PCDHA6: variants seen among roughly 807,000 people sequenced by gnomAD.
The protein encoded by PCDHA6 is protocadherin alpha 6.
In PCDHA6, 55 loss-of-function variants were observed where a neutral mutation model predicts 60.3. That is an observed-to-expected ratio of 0.91 (90% CI 0.73 to 1.14). The LOEUF (loss-of-function observed/expected upper bound fraction) is 1.14. Among genes scored for constraint, PCDHA6 ranks in the 50% most tolerant of loss-of-function variants. PCDHA6 has a pLI of 0.00. For synonymous variants in PCDHA6, 652 were observed against 557.9 expected (o/e 1.17, Z -2.38); for missense variants, 1,327 against 1,256.5 (o/e 1.06, Z -0.85).
At position 140,927,110 on chromosome 5, in the gene PCDHA6, G is replaced by T; in HGVS notation, c.2395-51839G>T. The T allele has an allele frequency of 3.7e-6, 6 of 1,613,752 alleles. No individual in the cohort carries two copies. The Middle Eastern group carries it at 8.3e-4, about 222-fold the overall frequency. On this transcript the variant is annotated intron_variant, in intron 1 of 3. Transcript: ENST00000529310. ...TACTTCGGGGTGGATCTACCCAGCG[G>T]CAATTTGGTGGTCAGAGAGCCGGCG...
At chr5:140,895,868 A>G (rs555320203) in intron 1 of PCDHA6, among the ~76,000 whole-genome samples, 5 of 152,228 alleles carry the variant, frequency 3.3e-5, no homozygotes, top group Admixed American at 6.5e-5. Flanking sequence ...CTGGAGTGCA[A>G]TGGCGCGATC....
In PCDHA6 at chr5:141,010,806, C is replaced by T. The variant is rs1404036886; in HGVS notation, c.*869C>T. ...GCAAAAGCAAAAGAAAACCCCGACA[C>T]CTCACCTTTCGCTGTTTGTTGTTTC... On this transcript the variant is annotated 3_prime_UTR_variant, in exon 4 of 4. Transcript: ENST00000529310. 2 of 153,736 alleles carry T rather than the reference C, an allele frequency of 1.3e-5. No individual in the cohort carries two copies. Among genetic ancestry groups the T allele is most frequent in the Non-Finnish European group, 1.5e-5 (1 of 68,048 alleles). 9.5% of individuals were successfully genotyped at this position (153,736 alleles called of 1,614,324 possible).
In PCDHA6 at chr5:140,968,743, C is replaced by G. The variant is rs112674082; in HGVS notation, c.2395-10206C>G. Reference sequence around the variant, plus strand: ...AGAGTGGTAGCACTTTCAACCTGACCGTGGTGGTCCGAGATAATGGAGAGC... The same window carrying G: ...AGAGTGGTAGCACTTTCAACCTGACGGTGGTGGTCCGAGATAATGGAGAGC... On this transcript the variant is annotated intron_variant, in intron 1 of 3. Transcript: ENST00000529310. 10 of 1,614,060 alleles carry G rather than the reference C, an allele frequency of 6.2e-6. No homozygotes were observed. The South Asian group carries it at 9.9e-5, about 16-fold the overall frequency.
chr5:140,855,292 C>A lies in PCDHA6; in HGVS notation c.2394+24807C>A, dbSNP rs950015519. Reference sequence around the variant, plus strand: ...ACTCAACCACCGTATTACTATTAGGCCAAAGTTATAAAATTGGAACATGAG... The same window carrying A: ...ACTCAACCACCGTATTACTATTAGGACAAAGTTATAAAATTGGAACATGAG... On this transcript the variant is annotated intron_variant, in intron 1 of 3. Transcript: ENST00000529310. Among the ~76,000 whole-genome samples, 36 of 149,604 alleles carry A rather than the reference C, an allele frequency of 2.4e-4. 2 individuals carry two copies. Among genetic ancestry groups the A allele is most frequent in the African/African-American group, 8.6e-4 (35 of 40,780 alleles).
chr5:140,870,096 T>C, intron 1 of PCDHA6: 1 of 1,613,854 alleles, frequency 6.2e-7, no homozygotes, highest in Non-Finnish European at 8.5e-7. Context: ...CAATGGCAGG[T>C]CACTGTACAG....
intron 1 of PCDHA6, chr5:140,870,383 G>C: frequency 6.2e-7 from 1 of 1,614,242 alleles, no homozygotes; most frequent in South Asian, 1.1e-5. Flanking sequence ...GTGACTGCGC[G>C]GGATGGGGGT....
At position 140,974,721 on chromosome 5, in the gene PCDHA6, G is replaced by A. The variant is rs1033117636; in HGVS notation, c.2395-4228G>A. 3.9e-5 allele frequency among the ~76,000 whole-genome samples: 6 copies of A among 152,050 alleles called. No homozygotes were observed. In the East Asian group the frequency reaches 1.2e-3, roughly 29 times the overall value. On this transcript the variant is annotated intron_variant, in intron 1 of 3. Transcript: ENST00000529310. ...TCACCATGTTGTTCAAGCTGCTCTCGAACTCCTGTCTCCACCTTGGCCTCC... is the reference window on the plus strand; with the variant it reads ...TCACCATGTTGTTCAAGCTGCTCTCAAACTCCTGTCTCCACCTTGGCCTCC...
In PCDHA6 at chr5:141,010,024, T is replaced by A; in HGVS notation, c.*87T>A. 7.6e-6 allele frequency: 12 copies of A among 1,572,358 alleles called. No individual in the cohort carries two copies. Among genetic ancestry groups the A allele is most frequent in the Non-Finnish European group, 1.0e-5 (12 of 1,163,296 alleles). On this transcript the variant is annotated 3_prime_UTR_variant, in exon 4 of 4. Coordinates refer to ENST00000529310, the MANE Select transcript of PCDHA6 (RefSeq NM_018909.4). ...GTAGCAATTCCCTGCTCCTTTTTCC[T>A]ATCTACATGAGCCCTCTTAGAGACC...
chr5:140,958,242 T>A (rs1375619471), intron 1 of PCDHA6, among the ~76,000 whole-genome samples: 1 of 152,120 alleles, frequency 6.6e-6, no homozygotes, highest in Non-Finnish European at 1.5e-5. Context: ...TTTTTAACAA[T>A]TCTGAACAAA....
chr5:140,998,855 C>T (rs544471391), intron 3 of PCDHA6, among the ~76,000 whole-genome samples: 63 of 152,320 alleles, frequency 4.1e-4, no homozygotes, highest in Admixed American at 2.1e-3. Context: ...GAGCCACATG[C>T]CTGGCCTTGT....
chr5:140,914,619 T>G (rs1554196515), intron 1 of PCDHA6, among the ~76,000 whole-genome samples: 1 of 152,194 alleles, frequency 6.6e-6, no homozygotes, highest in African/African-American at 2.4e-5. Context: ...TTTTGTAATT[T>G]GTTTTCTCGT....
At chr5:140,997,978 C>A (rs1205743045) in intron 3 of PCDHA6, among the ~76,000 whole-genome samples, 2 of 152,182 alleles carry the variant, frequency 1.3e-5, no homozygotes, top group Admixed American at 1.3e-4. Context: ...TTGGACTGCA[C>A]TTGTTACATA....
At chr5:140,918,846 C>T (rs1261805257) in intron 1 of PCDHA6, among the ~76,000 whole-genome samples, 1 of 152,140 alleles carries the variant, frequency 6.6e-6, no homozygotes, top group African/African-American at 2.4e-5. Flanking sequence ...ACTAAATCTG[C>T]TGGTGCCTGA....
In PCDHA6 at chr5:141,011,714, C is replaced by G. The variant is rs2098421596; in HGVS notation, c.*1777C>G. On this transcript the variant is annotated 3_prime_UTR_variant, in exon 4 of 4. Transcript: ENST00000529310. ...TTTTGGAATGAATACTGACAATATT[C>G]CATGAGGGTGTGCAAGCACAAATTT... 1 of 153,650 alleles carries G rather than the reference C, an allele frequency of 6.5e-6. No individual in the cohort carries two copies. Among genetic ancestry groups the G allele is most frequent in the South Asian group, 2.1e-4 (1 of 4,822 alleles). 9.5% of individuals were successfully genotyped at this position (153,650 alleles called of 1,614,324 possible).
At chr5:140,901,599 A>G (rs1196199794) in intron 1 of PCDHA6, among the ~76,000 whole-genome samples, 2 of 152,132 alleles carry the variant, frequency 1.3e-5, no homozygotes, top group South Asian at 2.1e-4. Flanking sequence ...TTTGGTTACT[A>G]TATCTCTATG....
chr5:140,928,555 A>G, intron 1 of PCDHA6: 1 of 1,614,240 alleles, frequency 6.2e-7, no homozygotes, highest in Non-Finnish European at 8.5e-7. Flanking sequence ...TTATCCGGTT[A>G]TCTTGTTTCC....
intron 1 of PCDHA6, among the ~76,000 whole-genome samples, chr5:140,891,471 C>T (rs1239816606): frequency 6.6e-6 from 1 of 151,474 alleles, no homozygotes; most frequent in Non-Finnish European, 1.5e-5. Flanking sequence ...GAATTAATGC[C>T]TTTACATCAC....
rs547873702 is a variant in PCDHA6 at position 140,879,516 on chromosome 5, T to C, written c.2394+49031T>C. 3.3e-5 allele frequency among the ~76,000 whole-genome samples: 5 copies of C among 152,322 alleles called. No homozygotes were observed. The East Asian group carries it at 7.7e-4, about 23-fold the overall frequency. On this transcript the variant is annotated intron_variant, in intron 1 of 3. Transcript: ENST00000529310. The stretch of plus-strand genomic sequence containing the variant: ...TGGATCTCAGAAGAGATTATTGATA[T>C]AGATTTTGGGAACAACTCCTTTAGA...
chr5:140,875,340 C>A, intron 1 of PCDHA6: 1 of 1,442,242 alleles, frequency 6.9e-7, no homozygotes, highest in Non-Finnish European at 9.1e-7. Flanking sequence ...AGGATCGACT[C>A]CATAATGACT....
Sources: gnomAD v4.1 joint callset for allele counts (sites outside exome capture counted in the v4.1 genomes callset) on GRCh38, gnomAD v4.1.1 for gene constraint, MANE v1.5 for transcripts, NCBI Gene and HGNC (gene_info 2026-07-23, HGNC 2026-07-21) for gene names.